Variants in ARID4B observed in about 807,000 individuals in gnomAD.
The protein encoded by ARID4B is AT-rich interactive domain-containing protein 4B.
A neutral mutation model predicts 147.5 loss-of-function variants in ARID4B; 26 were observed. That is an observed-to-expected ratio of 0.18 (90% CI 0.13 to 0.24). ARID4B has a LOEUF of 0.24. Ranked by LOEUF, ARID4B falls within the 10% of genes least tolerant of loss-of-function variation. The pLI is 1.00. For missense variants in ARID4B, 1,179 were observed against 1,511.5 expected (o/e 0.78, Z 3.65); for synonymous variants, 512 against 507.9 (o/e 1.01, Z -0.11).
At chr1:235,307,465 AAAAAG>A (rs1001851125) in intron 2 of ARID4B, among the ~76,000 whole-genome samples, 46 of 152,312 alleles carry the variant, frequency 3.0e-4, no homozygotes, top group African/African-American at 1.0e-3. Flanking sequence ...AAGAAAAAGG[AAAAAG>A]AAAAGAAAAA....
intron 20 of ARID4B, 51 bp from the exon 21 acceptor site, chr1:235,177,964 A>C: frequency 9.5e-7 from 1 of 1,055,496 alleles, no homozygotes. Context: ...AACATTCCCT[A>C]AGTATAAATT....
At chr1:235,172,836 G>A (rs536459700) in intron 22 of ARID4B, 72 bp from the exon 23 acceptor site, 44 of 1,227,422 alleles carry the variant, frequency 3.6e-5, no homozygotes, top group East Asian at 1.1e-4. Context: ...AGAGAACATC[G>A]AGCATGGCTG....
intron 2 of ARID4B, among the ~76,000 whole-genome samples, chr1:235,284,338 C>T (rs997730058): frequency 5.9e-5 from 9 of 152,080 alleles, no homozygotes; most frequent in Admixed American, 2.6e-4. Context: ...CCAGCCTCAG[C>T]GACAGAGCGA....
rs765510596 is a variant in ARID4B, at chr1:235,220,553, C to T, written c.1164-8G>A. ...TCAAAACCATATAAGTATCTGGAAA[C>T]ATGAAGAGAAATTACATTTGGTGAA... On this transcript the variant is annotated splice_region_variant and splice_polypyrimidine_tract_variant and intron_variant, in intron 14 of 23. Transcript: ENST00000264183. 6.5e-7 allele frequency: 1 copy of T among 1,535,722 alleles called. No homozygotes were observed. The highest frequency in any genetic ancestry group is 1.3e-5 in the South Asian group (1 of 78,070).
intron 10 of ARID4B, among the ~76,000 whole-genome samples, chr1:235,230,820 G>A (rs576961864): frequency 6.6e-6 from 1 of 151,860 alleles, no homozygotes; most frequent in East Asian, 1.9e-4. Flanking sequence ...TTACTCGGGA[G>A]GCTGAGGCAA....
At chr1:235,173,767 AAAAAATAT>A (rs1236063781) in intron 22 of ARID4B, among the ~76,000 whole-genome samples, 1 of 46,244 alleles carries the variant, frequency 2.2e-5, no homozygotes. Context: ...AAAAAAAAAA[AAAAAATAT>A]ATATATATAT....
In ARID4B at chr1:235,279,351, T is replaced by C. The variant is rs527475042; in HGVS notation, c.7-18599A>G. On this transcript the variant is annotated intron_variant, in intron 2 of 23. Transcript: ENST00000264183. Reference sequence around the variant, plus strand: ...GTAGTATGAGGTATTCTGGTAGGAATCAAAATCTGAAAGCCATTTTGGAAA... The same window carrying C: ...GTAGTATGAGGTATTCTGGTAGGAACCAAAATCTGAAAGCCATTTTGGAAA... 1.4e-4 allele frequency among the ~76,000 whole-genome samples: 22 copies of C among 152,210 alleles called. No individual in the cohort carries two copies. The South Asian group carries it at 4.3e-3, about 30-fold the overall frequency.
In ARID4B at chr1:235,167,753, A is replaced by C. The variant is rs991457205; in HGVS notation, c.*772T>G. 5.1e-6 allele frequency: 1 copy of C among 195,088 alleles called. No individual in the cohort carries two copies. Among genetic ancestry groups the C allele is most frequent in the African/African-American group, 2.3e-5 (1 of 43,266 alleles). The allele number at this position is 195,088 out of a possible 1,614,324, so 12.1% of individuals were successfully genotyped here. On this transcript the variant is annotated 3_prime_UTR_variant, in exon 24 of 24. Transcript: ENST00000264183. ...ATACACTTTGAACTGGCTAAGTACA[A>C]TCTTTATACATTGTTTAAGATTTAA...
At chr1:235,199,047 C>T (rs1178585204) in intron 17 of ARID4B, among the ~76,000 whole-genome samples, 1 of 151,994 alleles carries the variant, frequency 6.6e-6, no homozygotes, top group East Asian at 1.9e-4. Context: ...TGCAGTGAGC[C>T]GAGATCGCGC....
At chr1:235,207,858 T>A (rs1443407300) in intron 17 of ARID4B, among the ~76,000 whole-genome samples, 3 of 152,234 alleles carry the variant, frequency 2.0e-5, no homozygotes, top group Non-Finnish European at 2.9e-5. Context: ...GCGAAAATAT[T>A]TTTTAAATGT....
At chr1:235,233,294 A>G (rs911123043) in intron 9 of ARID4B, among the ~76,000 whole-genome samples, 1 of 152,062 alleles carries the variant, frequency 6.6e-6, no homozygotes, top group Non-Finnish European at 1.5e-5. Flanking sequence ...CAAAAAATAC[A>G]AAAATAGCCA....
At chr1:235,252,289 G>A (rs1669693169) in intron 6 of ARID4B, among the ~76,000 whole-genome samples, 1 of 152,126 alleles carries the variant, frequency 6.6e-6, no homozygotes. Context: ...AGGAATGGAA[G>A]GGACAATTTT....
chr1:235,304,060 G>A (rs954891440), intron 2 of ARID4B, among the ~76,000 whole-genome samples: 2 of 152,106 alleles, frequency 1.3e-5, no homozygotes, highest in Admixed American at 6.5e-5. Flanking sequence ...AAAACTCAAA[G>A]AAGTAAATTG....
At chr1:235,244,746 T>A (rs562482813) in intron 7 of ARID4B, among the ~76,000 whole-genome samples, 1 of 152,274 alleles carries the variant, frequency 6.6e-6, no homozygotes, top group South Asian at 2.1e-4. Flanking sequence ...AAAATACATT[T>A]TAAATGGCAA....
At chr1:235,239,046 G>A (rs1388710942) in intron 8 of ARID4B, among the ~76,000 whole-genome samples, 2 of 150,236 alleles carry the variant, frequency 1.3e-5, no homozygotes, top group South Asian at 2.1e-4. Context: ...GCAGTGGCGC[G>A]ATCTTGGCTC....
chr1:235,238,222 T>A (rs1189043454), intron 8 of ARID4B, among the ~76,000 whole-genome samples: 1 of 151,572 alleles, frequency 6.6e-6, no homozygotes, highest in Non-Finnish European at 1.5e-5. Flanking sequence ...TCTACACCAC[T>A]AAATGAGTCT....
chr1:235,303,069 G>A (rs1478353071), intron 2 of ARID4B, among the ~76,000 whole-genome samples: 6 of 151,908 alleles, frequency 3.9e-5, no homozygotes, highest in Admixed American at 2.0e-4. Context: ...GACTACAGGC[G>A]CCCGCCACCA....
chr1:235,255,940 G>A (rs575873864), intron 4 of ARID4B, among the ~76,000 whole-genome samples, 190 bp from the exon 5 acceptor site: 2 of 152,180 alleles, frequency 1.3e-5, no homozygotes, highest in Admixed American at 1.3e-4. Context: ...TTGAGGGGCT[G>A]AGGCAGGTGG....
intron 2 of ARID4B, among the ~76,000 whole-genome samples, chr1:235,323,228 CG>C (rs1674975694): frequency 1.3e-5 from 2 of 151,648 alleles, no homozygotes; most frequent in Admixed American, 6.6e-5. Flanking sequence ...TTAGTAGAGA[CG>C]GGGTTTTCAT....
Sources: gnomAD v4.1 joint callset for allele counts (sites outside exome capture counted in the v4.1 genomes callset) on GRCh38, gnomAD v4.1.1 for gene constraint, MANE v1.5 for transcripts, NCBI Gene and HGNC (gene_info 2026-07-23, HGNC 2026-07-21) for gene names.